SLC7A9: variants seen among roughly 807,000 people sequenced by gnomAD.
SLC7A9 encodes the protein B(0,+)-type amino acid transporter 1.
SLC7A9 carries 38 observed loss-of-function variants against 54.1 expected under a neutral mutation model. That is an observed-to-expected ratio of 0.70 (90% CI 0.54 to 0.92). The LOEUF is 0.92. Among genes scored for constraint, SLC7A9 ranks in the 40% least tolerant of loss-of-function variants. SLC7A9 has a pLI of 0.00. For missense variants in SLC7A9, 537 were observed against 636.1 expected, an observed-to-expected ratio of 0.84 and a Z score of 1.68; for synonymous variants, 264 against 258.9, an observed-to-expected ratio of 1.02 and a Z score of -0.19.
chr19:32,859,061 A>G (rs148151859), intron 8 of SLC7A9, among the ~76,000 whole-genome samples: 1 of 151,718 alleles, frequency 6.6e-6, no homozygotes, highest in Non-Finnish European at 1.5e-5. Flanking sequence ...TGCTGGGATT[A>G]CAGGCATGAG....
At chr19:32,835,911 A>ATGTATG (rs1967944463) in intron 11 of SLC7A9, among the ~76,000 whole-genome samples, 1 of 142,734 alleles carries the variant, frequency 7.0e-6, no homozygotes, top group Non-Finnish European at 1.5e-5. Flanking sequence ...GTGTGTGTGT[A>ATGTATG]TGTGTGTGTG....
At chr19:32,838,798 TAC>T (rs1428334106) in intron 11 of SLC7A9, among the ~76,000 whole-genome samples, 2 of 145,950 alleles carry the variant, frequency 1.4e-5, no homozygotes, top group Non-Finnish European at 3.0e-5. Context: ...TACAAATATA[TAC>T]ATATATATCT....
rs573056632 is a variant in SLC7A9 at position 32,841,739 on chromosome 19, T to C, written c.1224+429A>G. The stretch of plus-strand genomic sequence containing the variant: ...CCGGCCAACATGGTAAAACCCCATC[T>C]CTACTAAAAATACAAAAATTAGCCA... On this transcript the variant is annotated intron_variant, in intron 11 of 12. Transcript: ENST00000023064. 2.4e-4 allele frequency among the ~76,000 whole-genome samples: 37 copies of C among 152,228 alleles called. No individual in the cohort carries two copies. In the East Asian group the frequency reaches 7.1e-3, roughly 29 times the overall value.
At chr19:32,846,745 C>G (rs901223082) in intron 9 of SLC7A9, among the ~76,000 whole-genome samples, 1 of 152,222 alleles carries the variant, frequency 6.6e-6, no homozygotes, top group Admixed American at 6.5e-5. Flanking sequence ...GACCCCCCAG[C>G]AGCCTAACTG....
intron 11 of SLC7A9, among the ~76,000 whole-genome samples, chr19:32,834,816 A>T (rs1307294529): frequency 6.6e-6 from 1 of 152,052 alleles, no homozygotes; most frequent in Non-Finnish European, 1.5e-5. Context: ...CCCAAGACAG[A>T]GTCTCGCTCT....
intron 9 of SLC7A9, among the ~76,000 whole-genome samples, chr19:32,847,302 A>G (rs1968328076): frequency 6.6e-6 from 1 of 152,226 alleles, no homozygotes; most frequent in African/African-American, 2.4e-5. Context: ...AAATTAGACA[A>G]ATGGATAACT....
chr19:32,853,542 GA>G (rs1381774174), intron 9 of SLC7A9, among the ~76,000 whole-genome samples: 1 of 152,024 alleles, frequency 6.6e-6, no homozygotes, highest in African/African-American at 2.4e-5. Flanking sequence ...ACAATAGTAT[GA>G]AAAATGAAAT....
chr19:32,852,693 G>A (rs141324057), intron 9 of SLC7A9, among the ~76,000 whole-genome samples: 3 of 152,204 alleles, frequency 2.0e-5, no homozygotes, highest in Non-Finnish European at 4.4e-5. Flanking sequence ...GTTGATTAAT[G>A]GAAGGGAGAT....
chr19:32,842,416 T>A (rs1968153959), intron 10 of SLC7A9, 99 bp from the exon 11 acceptor site: 1 of 1,229,296 alleles, frequency 8.1e-7, no homozygotes, highest in African/African-American at 1.5e-5. Context: ...AATAAACACT[T>A]TAGCATGAAA....
rs1027412800 is a variant in SLC7A9, at chr19:32,849,324, C to T, written c.978-5373G>A. 8.5e-5 allele frequency among the ~76,000 whole-genome samples: 13 copies of T among 152,126 alleles called. No individual in the cohort carries two copies. The East Asian group carries it at 1.3e-3, about 16-fold the overall frequency. On this transcript the variant is annotated intron_variant, in intron 9 of 12. Transcript: ENST00000023064. ...AGAAAAGAGATAAGAATCAAATAGACACAATAAAAAATGATAAAGGGGATA... is the reference window on the plus strand; with the variant it reads ...AGAAAAGAGATAAGAATCAAATAGATACAATAAAAAATGATAAAGGGGATA...
At chr19:32,842,059 G>A (rs538884496) in intron 11 of SLC7A9, 109 bp downstream of exon 11, 1 of 1,078,046 alleles carries the variant, frequency 9.3e-7, no homozygotes, top group African/African-American at 1.6e-5. Context: ...TATTTTAAAA[G>A]AGTCAAGTCA....
Position 32,843,866 on chromosome 19 carries a change from T to A in SLC7A9, c.1063A>T (p.Ile355Phe). Residue 355 changes from isoleucine to phenylalanine, a missense_variant, in exon 10 of 13, where the codon ATC becomes TTC. By Grantham distance (21) the Ile-to-Phe change is conservative. Coordinates refer to ENST00000023064, the MANE Select transcript of SLC7A9 (RefSeq NM_014270.5). ...GGATTTGTACTCACATAAAAGATGA[T>A]GGCGGGGGCTGGAGTGAGGCGCCTG... ...SVRRLTPAPA[I>F]IFYGIIATIY... 1 of 1,613,086 alleles carries A rather than the reference T, an allele frequency of 6.2e-7. No individual in the cohort carries two copies.
intron 11 of SLC7A9, among the ~76,000 whole-genome samples, chr19:32,836,390 C>T (rs1037760579): frequency 6.6e-6 from 1 of 152,164 alleles, no homozygotes; most frequent in African/African-American, 2.4e-5. Context: ...TTAATATTTC[C>T]TCTTGGACCC....
In SLC7A9 at chr19:32,839,669, C is replaced by T. The variant is rs375796222; in HGVS notation, c.1224+2499G>A. Among the ~76,000 whole-genome samples, 31 of 152,016 alleles carry T rather than the reference C, an allele frequency of 2.0e-4. No individual in the cohort carries two copies. The South Asian group carries it at 6.2e-3, about 30-fold the overall frequency. On this transcript the variant is annotated intron_variant, in intron 11 of 12. Transcript: ENST00000023064. Reference sequence around the variant, plus strand: ...TGGCTGGGTATAAGAATCTGGCTTACATTTTCCTCCTTTGAGTAGTTTAAA... The same window carrying T: ...TGGCTGGGTATAAGAATCTGGCTTATATTTTCCTCCTTTGAGTAGTTTAAA...
chr19:32,860,830 C>T (rs1377645773), intron 6 of SLC7A9, among the ~76,000 whole-genome samples, 180 bp from the exon 7 acceptor site: 1 of 151,144 alleles, frequency 6.6e-6, no homozygotes, highest in Non-Finnish European at 1.5e-5. Flanking sequence ...GGCCTGGGGC[C>T]CTACCCAGAC....
At chr19:32,847,885 C>T (rs948041797) in intron 9 of SLC7A9, among the ~76,000 whole-genome samples, 3 of 152,180 alleles carry the variant, frequency 2.0e-5, no homozygotes, top group African/African-American at 7.2e-5. Flanking sequence ...CAACATTCAG[C>T]ATTCTTAAAG....
intron 6 of SLC7A9, among the ~76,000 whole-genome samples, chr19:32,861,898 G>A (rs1402574144): frequency 6.6e-6 from 1 of 152,162 alleles, no homozygotes; most frequent in Non-Finnish European, 1.5e-5. Flanking sequence ...TTGGCCCAGT[G>A]AGGGTTCTAC....
intron 9 of SLC7A9, among the ~76,000 whole-genome samples, chr19:32,847,560 T>C (rs955611838): frequency 1.3e-5 from 2 of 152,204 alleles, no homozygotes; most frequent in Non-Finnish European, 2.9e-5. Flanking sequence ...CTACGTCTGA[T>C]TGGTGTACCT....
At chr19:32,834,369 C>T (rs762030240) in intron 11 of SLC7A9, among the ~76,000 whole-genome samples, 10 of 152,168 alleles carry the variant, frequency 6.6e-5, no homozygotes, top group Middle Eastern at 3.4e-3. Context: ...GTGGTTCGCT[C>T]CTGTAATCCC....
Sources: gnomAD v4.1 joint callset for allele counts (sites outside exome capture counted in the v4.1 genomes callset) on GRCh38, gnomAD v4.1.1 for gene constraint, MANE v1.5 for transcripts, NCBI Gene and HGNC (gene_info 2026-07-23, HGNC 2026-07-21) for gene names.